DRC11L: variants seen among roughly 807,000 people sequenced by gnomAD.
The protein encoded by DRC11L is dynein regulatory complex subunit like-11.
the DRC11L span, chr7:151,191,529 T>C: frequency 6.0e-5 from 24 of 397,310 alleles, no homozygotes; most frequent in Admixed American, 4.4e-5. Context: ...TTTCCACTGA[T>C]TGTCTTCTGG....
chr7:151,195,849 C>T, the DRC11L span: 1 of 384,854 alleles, frequency 2.6e-6, no homozygotes, highest in African/African-American at 2.1e-5. Context: ...CCTCCTGGCA[C>T]CTGTTCACAC....
At chr7:151,193,630 C>T in the DRC11L span, 4 of 398,322 alleles carry the variant, frequency 1.0e-5, no homozygotes, top group Non-Finnish European at 1.8e-5. Context: ...CCTTCCCCAA[C>T]ACCAGCAGGT....
chr7:151,195,444 ATCTTTTTCCT>A, the DRC11L span: 1 of 399,232 alleles, frequency 2.5e-6, no homozygotes, highest in Non-Finnish European at 4.4e-6. Flanking sequence ...CTGAGGTCAG[ATCTTTTTCCT>A]TCTTTTTCCC....
At chr7:151,198,512 G>C in the DRC11L span, among the ~76,000 whole-genome samples, 1 of 152,134 alleles carries the variant, frequency 6.6e-6, no homozygotes, top group Non-Finnish European at 1.5e-5. Flanking sequence ...CAGGAGGACA[G>C]ATCACTCAGG....
chr7:151,192,703 G>A, the DRC11L span: 2,879 of 399,178 alleles, frequency 7.2e-3, 8 homozygotes, highest in Non-Finnish European at 9.6e-3. Context: ...CCCAGCTCAC[G>A]CTACCTGCCC....
the DRC11L span, chr7:151,192,144 T>C: frequency 1.0e-5 from 4 of 397,866 alleles, no homozygotes; most frequent in African/African-American, 8.2e-5. Flanking sequence ...CCCAGGCCAC[T>C]GGGCTGCTTG....
chr7:151,197,846 G>C, the DRC11L span: 43 of 399,352 alleles, frequency 1.1e-4, 1 homozygote, highest in Middle Eastern at 6.3e-4. Context: ...TGTCTGCAAA[G>C]ATTGAGTAGG....
At chr7:151,195,763 A>AGAGCC in the DRC11L span, 2 of 397,200 alleles carry the variant, frequency 5.0e-6, no homozygotes, top group African/African-American at 4.1e-5. Flanking sequence ...GCCTTACAGA[A>AGAGCC]GAGCCCAGTG....
At chr7:151,201,434 T>C in the DRC11L span, among the ~76,000 whole-genome samples, 3 of 152,218 alleles carry the variant, frequency 2.0e-5, no homozygotes, top group African/African-American at 7.2e-5. This position sits in a 1 kb window ranked among gnomAD's most constrained non-coding sequence, Gnocchi z 4.1. Context: ...CCATCCTCCT[T>C]CTTGACTTCT....
the DRC11L span, among the ~76,000 whole-genome samples, chr7:151,203,910 A>G: frequency 2.0e-5 from 3 of 152,096 alleles, no homozygotes; most frequent in Non-Finnish European, 4.4e-5. Context: ...GGAAACTTTG[A>G]GATAGTCTTG....
At chr7:151,197,547 C>A in the DRC11L span, among the ~76,000 whole-genome samples, 2 of 152,278 alleles carry the variant, frequency 1.3e-5, no homozygotes, top group South Asian at 2.1e-4. Context: ...CAAGAAGGAG[C>A]GTTCTGGTGA....
chr7:151,204,424 C>A, the DRC11L span: 1 of 269,888 alleles, frequency 3.7e-6, no homozygotes, highest in Non-Finnish European at 6.8e-6. Flanking sequence ...GGCTCTGTGT[C>A]CCAGGTGGTC....
the DRC11L span, among the ~76,000 whole-genome samples, chr7:151,197,630 C>A: frequency 6.6e-5 from 10 of 152,336 alleles, no homozygotes; most frequent in Admixed American, 2.0e-4. Context: ...CCTTTCCCAG[C>A]CACAATGCCT....
At chr7:151,196,961 C>A in the DRC11L span, 23 of 399,072 alleles carry the variant, frequency 5.8e-5, no homozygotes, top group African/African-American at 4.1e-4. Context: ...TCTTCCCCAG[C>A]CATCTCCCCT....
chr7:151,198,148 G>A, the DRC11L span, among the ~76,000 whole-genome samples: 3 of 150,554 alleles, frequency 2.0e-5, no homozygotes, highest in African/African-American at 7.3e-5. Context: ...ACAGAGAGGT[G>A]GGTAGAAGGG....
the DRC11L span, chr7:151,191,758 T>C: frequency 5.3e-4 from 212 of 399,070 alleles, no homozygotes; most frequent in African/African-American, 3.4e-3. Flanking sequence ...TCAGCACCGA[T>C]TGGATGGCTT....
the DRC11L span, among the ~76,000 whole-genome samples, chr7:151,199,383 G>A: frequency 1.3e-5 from 2 of 151,960 alleles, no homozygotes; most frequent in South Asian, 2.1e-4. The surrounding 1 kb of genome is among the most constrained non-coding windows in gnomAD (Gnocchi z 5.2). Flanking sequence ...GCTCCCAAAT[G>A]TATTTTAAAT....
At chr7:151,199,874 G>T in the DRC11L span, among the ~76,000 whole-genome samples, 1 of 152,380 alleles carries the variant, frequency 6.6e-6, no homozygotes, top group Non-Finnish European at 1.5e-5. This position sits in a 1 kb window ranked among gnomAD's most constrained non-coding sequence, Gnocchi z 5.2. Flanking sequence ...AGAGAACAGG[G>T]GATAGACAGA....
the DRC11L span, among the ~76,000 whole-genome samples, chr7:151,194,093 A>C: frequency 2.0e-5 from 3 of 151,866 alleles, no homozygotes; most frequent in African/African-American, 4.8e-5. Flanking sequence ...GGAGTGGCCC[A>C]ATCTGGGTGT....
Sources: allele counts gnomAD v4.1 joint callset (sites outside exome capture counted in the v4.1 genomes callset), GRCh38; gene constraint gnomAD v4.1.1; non-coding constraint Gnocchi (gnomAD v3.1); transcripts MANE v1.5; gene names NCBI Gene and HGNC (gene_info 2026-07-23, HGNC 2026-07-21).